The following TG variants were observed in gnomAD, a reference collection of about 807,000 sequenced individuals.
TG encodes the protein thyroid hormones.
TG carries 270 observed loss-of-function variants against 324.7 expected under a neutral mutation model. That is an observed-to-expected ratio of 0.83 (90% CI 0.75 to 0.92). TG has a LOEUF of 0.92. Among genes scored for constraint, TG ranks in the 40% least tolerant of loss-of-function variants. The pLI, the probability that TG is intolerant of heterozygous loss-of-function variation, is 0.00. For missense variants in TG, 3,591 were observed against 3,456.4 expected (o/e 1.04, Z -0.98); for synonymous variants, 1,401 against 1,327.0 (o/e 1.06, Z -1.21).
chr8:132,995,473 C>T (rs982758260), intron 35 of TG: 2 of 985,238 alleles, frequency 2.0e-6, no homozygotes, highest in African/African-American at 1.7e-5. Context: ...CCTTGTTCAG[C>T]ACCCCAAAGG....
intron 37 of TG, among the ~76,000 whole-genome samples, chr8:133,014,582 A>G (rs1188945760): frequency 1.3e-5 from 2 of 152,272 alleles, no homozygotes; most frequent in Non-Finnish European, 2.9e-5. Context: ...CTATTGTAGC[A>G]TGGGAGCAGC....
intron 8 of TG, among the ~76,000 whole-genome samples, chr8:132,883,851 C>T (rs80174966): frequency 0.088 from 13,334 of 152,120 alleles, 825 homozygotes; most frequent in East Asian, 0.34. Flanking sequence ...ACAAAGTGGG[C>T]ATCTGAGAGC....
At chr8:133,077,459 C>T (rs921696523) in intron 41 of TG, among the ~76,000 whole-genome samples, 1 of 152,124 alleles carries the variant, frequency 6.6e-6, no homozygotes, top group Non-Finnish European at 1.5e-5. Context: ...GTTTATGACC[C>T]TCCCTTTCGC....
chr8:133,026,032 C>T (rs1836038511), intron 40 of TG, among the ~76,000 whole-genome samples: 2 of 152,176 alleles, frequency 1.3e-5, no homozygotes, highest in Non-Finnish European at 1.5e-5. Context: ...CATGTTTATT[C>T]CCTGCTTCTT....
chr8:132,901,228 G>T, intron 15 of TG, 125 bp from the exon 16 acceptor site: 1 of 1,129,928 alleles, frequency 8.9e-7, no homozygotes, highest in Non-Finnish European at 1.3e-6. Context: ...GGCAGCCCCA[G>T]ACCCCTGGAA....
Position 133,042,691 on chromosome 8 carries a change from T to C in TG, c.7239+12668T>C, listed in dbSNP as rs1160601209. ...CTCATTCTGTGTCTTTTTTTTTTTT[T>C]TTTTTTTTTTTTTTTTTTGTGAGAT... is the stretch of plus-strand genomic sequence containing the variant. On this transcript the variant is annotated intron_variant, in intron 41 of 47. Coordinates refer to ENST00000220616, the MANE Select transcript of TG (RefSeq NM_003235.5). 9.7e-5 allele frequency among the ~76,000 whole-genome samples: 12 copies of C among 123,924 alleles called. 1 individual carries two copies. The highest frequency in any genetic ancestry group is 3.2e-4 in the African/African-American group (9 of 28,306). The allele number at this position is 123,924 out of a possible 152,430, so 81.3% of individuals were successfully genotyped here. A position where few individuals can be genotyped will look rare whatever the true frequency, so the allele number is the denominator to read the frequency against.
At chr8:133,010,412 G>A (rs1834403267) in intron 35 of TG, among the ~76,000 whole-genome samples, 2 of 152,130 alleles carry the variant, frequency 1.3e-5, no homozygotes, top group African/African-American at 4.8e-5. Flanking sequence ...ATTTATTAAA[G>A]GACACACTAC....
intron 27 of TG, among the ~76,000 whole-genome samples, chr8:132,960,446 G>A (rs1827572092): frequency 6.6e-6 from 1 of 152,154 alleles, no homozygotes; most frequent in Admixed American, 6.5e-5. Flanking sequence ...GAAATGGTGT[G>A]GCAAGCCTAG....
chr8:133,045,153 G>A (rs1839079239), intron 41 of TG: 2 of 1,611,288 alleles, frequency 1.2e-6, no homozygotes, highest in Non-Finnish European at 1.7e-6. Flanking sequence ...GGCTCCACCT[G>A]TCCTCACCCC....
Position 132,919,362 on chromosome 8 carries a change from CT to C in TG, c.4379-13del. Reference sequence around the variant, plus strand: ...TGTCTTGATTTTTAACATCATTTCTCTGTTTTTTTCTAGTTAAGTGTCCTGA... The same window carrying C: ...TGTCTTGATTTTTAACATCATTTCTCGTTTTTTTCTAGTTAAGTGTCCTGA... On this transcript the variant is annotated splice_polypyrimidine_tract_variant and intron_variant, in intron 20 of 47. Coordinates refer to ENST00000220616, the MANE Select transcript of TG (RefSeq NM_003235.5). 5 of 1,613,198 alleles carry C rather than the reference CT, an allele frequency of 3.1e-6. No homozygotes were observed. The highest frequency in any genetic ancestry group is 4.2e-6 in the Non-Finnish European group (5 of 1,179,576).
At chr8:133,012,220 G>A (rs1285564274) in intron 36 of TG, among the ~76,000 whole-genome samples, 185 bp downstream of exon 36, 1 of 152,184 alleles carries the variant, frequency 6.6e-6, no homozygotes, top group African/African-American at 2.4e-5. Flanking sequence ...CAGCCAAGGT[G>A]TCCAAGGGAA....
rs753571286 is a variant in TG at position 132,971,846 on chromosome 8, G to C, written c.6028G>C (p.Gly2010Arg). ...TGCGGACCCATGCTGCACTGGCTTT[G>C]GATTTCTAAATGTTTCCCAGTTAAA... ...CDADPCCTGF[G>R]FLNVSQLKGG... Residue 2010 changes from glycine (G) to arginine (R), a missense_variant, in exon 33 of 48, where the codon GGA (glycine) becomes CGA (arginine). Coordinates refer to ENST00000220616, the MANE Select transcript of TG (RefSeq NM_003235.5). The C allele has an allele frequency of 1.2e-6, 2 of 1,613,530 alleles. No homozygotes were observed. The highest frequency in any genetic ancestry group is 1.7e-6 in the Non-Finnish European group (2 of 1,179,544).
chr8:133,024,386 CTTTCTT>C (rs138929399), intron 40 of TG, among the ~76,000 whole-genome samples: 3,465 of 38,062 alleles, frequency 0.091, 166 homozygotes, highest in African/African-American at 0.13. Context: ...TTCTTTCTTT[CTTTCTT>C]TTTCTTTTTT....
Position 132,887,295 on chromosome 8 carries a change from C to T in TG, c.1923C>T (p.Ser641=). ...CFSGECWCVN[S]WGKELPGSRV... ...CCGGAGAGTGCTGGTGTGTGAATTC[C>T]TGGGGCAAAGAGCTTCCAGGCTCAA... The change falls in exon 9 of 48, where the codon TCC becomes TCT. Residue 641 remains serine, a synonymous_variant. Transcript: ENST00000220616. 2.5e-6 allele frequency: 4 copies of T among 1,604,524 alleles called. No individual in the cohort carries two copies. Among genetic ancestry groups the T allele is most frequent in the Non-Finnish European group, 2.6e-6 (3 of 1,173,656 alleles).
chr8:132,944,230 G>T (rs1246461037), intron 26 of TG, among the ~76,000 whole-genome samples: 1 of 152,040 alleles, frequency 6.6e-6, no homozygotes, highest in Admixed American at 6.6e-5. Context: ...TGAGATCGAG[G>T]TGTATTCCAT....
chr8:133,119,427 CTT>C lies in TG; in HGVS notation c.7862+2712_7862+2713del, dbSNP rs3837188. Among the ~76,000 whole-genome samples the C allele has an allele frequency of 5.3e-5, 8 of 152,266 alleles. No individual in the cohort carries two copies. In the East Asian group the frequency reaches 1.5e-3, roughly 29 times the overall value. ...CTGGATAATTTATAAACAACGTAAA[CTT>C]ATTGCTCACAGTTCTGGAGGCTGGA... On this transcript the variant is annotated intron_variant, in intron 45 of 47. Coordinates refer to ENST00000220616, the MANE Select transcript of TG (RefSeq NM_003235.5).
chr8:133,117,011 T>C (rs1168640131), intron 45 of TG, among the ~76,000 whole-genome samples: 1 of 152,218 alleles, frequency 6.6e-6, no homozygotes, highest in East Asian at 1.9e-4. Flanking sequence ...TCTATATTGA[T>C]TCCTCCAGAG....
chr8:133,087,211 G>A (rs6984543), intron 41 of TG, among the ~76,000 whole-genome samples: 37,747 of 151,630 alleles, frequency 0.25, 4,932 homozygotes, highest in African/African-American at 0.28. Flanking sequence ...TCTTTGTTTC[G>A]TTCACTTGTT....
chr8:133,102,989 G>T (rs1849456775), intron 43 of TG: 2 of 236,504 alleles, frequency 8.5e-6, no homozygotes, highest in Admixed American at 1.0e-4. Context: ...CCCAGCACAG[G>T]AATATCCAGT....
Sources: allele counts gnomAD v4.1 joint callset (sites outside exome capture counted in the v4.1 genomes callset), GRCh38; gene constraint gnomAD v4.1.1; transcripts MANE v1.5; gene names NCBI Gene and HGNC (gene_info 2026-07-23, HGNC 2026-07-21).